The following OR9Q1 variants were observed in gnomAD, a reference collection of about 807,000 sequenced individuals.
OR9Q1 encodes olfactory receptor family 9 subfamily Q member 1, also known as olfactory receptor 9Q1.
For missense variants in OR9Q1, 374 were observed against 378.8 expected, an observed-to-expected ratio of 0.99 and a Z score of 0.11; for synonymous variants, 153 against 148.6, an observed-to-expected ratio of 1.03 and a Z score of -0.22.
chr11:58,053,643 T>TATATATAA (rs1853296458), intron 1 of OR9Q1, among the ~76,000 whole-genome samples: 2 of 83,910 alleles, frequency 2.4e-5, no homozygotes, highest in Admixed American at 2.4e-4. Flanking sequence ...TATATATATA[T>TATATATAA]AAATTATATA....
At chr11:58,090,219 T>C (rs998074098) in intron 2 of OR9Q1, among the ~76,000 whole-genome samples, 2 of 152,230 alleles carry the variant, frequency 1.3e-5, no homozygotes, top group African/African-American at 2.4e-5. Flanking sequence ...ATCCTTGTCT[T>C]GTGCCGGTTT....
intron 1 of OR9Q1, among the ~76,000 whole-genome samples, chr11:58,046,841 CA>C (rs1853221672): frequency 6.6e-6 from 1 of 151,088 alleles, no homozygotes; most frequent in South Asian, 2.1e-4. Context: ...CCAGCCTGGG[CA>C]ACAAGAGGGA....
chr11:58,112,527 T>A (rs1853912683), intron 2 of OR9Q1, among the ~76,000 whole-genome samples: 1 of 152,160 alleles, frequency 6.6e-6, no homozygotes, highest in South Asian at 2.1e-4. Context: ...CCTGGACATG[T>A]CCCGTTGGAC....
chr11:58,024,867 G>A (rs932163326), intron 1 of OR9Q1, among the ~76,000 whole-genome samples: 5 of 152,178 alleles, frequency 3.3e-5, no homozygotes, highest in African/African-American at 1.2e-4. Context: ...CAGAGTCAGG[G>A]CAGGGAGCCA....
At chr11:58,118,003 T>G (rs1286251890) in intron 2 of OR9Q1, 1 of 152,244 alleles carries the variant, frequency 6.6e-6, no homozygotes, top group Non-Finnish European at 1.5e-5. Context: ...GGAGACTGAG[T>G]TTTTCCTTAT....
chr11:58,076,347 C>T (rs117091508), intron 2 of OR9Q1, among the ~76,000 whole-genome samples: 143 of 152,272 alleles, frequency 9.4e-4, no homozygotes, highest in Non-Finnish European at 1.9e-3. Context: ...GCTCAAGGTC[C>T]TCCTCCAAAC....
At chr11:58,138,441 G>C (rs1854209746) in intron 2 of OR9Q1, among the ~76,000 whole-genome samples, 1 of 152,134 alleles carries the variant, frequency 6.6e-6, no homozygotes, top group South Asian at 2.1e-4. Flanking sequence ...TTAAATTTAG[G>C]AGCAACTTAA....
At chr11:58,159,119 C>T (rs185423085) in intron 2 of OR9Q1, among the ~76,000 whole-genome samples, 241 of 152,108 alleles carry the variant, frequency 1.6e-3, no homozygotes, top group African/African-American at 5.3e-3. Context: ...TCAGGACTAA[C>T]GTGTAAAATA....
intron 2 of OR9Q1, among the ~76,000 whole-genome samples, chr11:58,082,989 T>G (rs1256264073): frequency 6.6e-6 from 1 of 150,656 alleles, no homozygotes; most frequent in Non-Finnish European, 1.5e-5. Context: ...TGATAGTTTC[T>G]TTTGCTATGC....
chr11:58,058,578 T>G (rs546536720), intron 2 of OR9Q1, among the ~76,000 whole-genome samples: 1 of 152,086 alleles, frequency 6.6e-6, no homozygotes, highest in African/African-American at 2.4e-5. Flanking sequence ...AAGATCCACA[T>G]CCTCCCATTC....
intron 2 of OR9Q1, among the ~76,000 whole-genome samples, chr11:58,170,386 T>C (rs567229811): frequency 6.6e-6 from 1 of 152,212 alleles, no homozygotes; most frequent in East Asian, 1.9e-4. Context: ...TGCCCAATGG[T>C]ATAAACTCTC....
chr11:58,128,288 C>T (rs1854108600), intron 2 of OR9Q1, among the ~76,000 whole-genome samples: 1 of 146,810 alleles, frequency 6.8e-6, no homozygotes, highest in South Asian at 2.1e-4. Flanking sequence ...AGGAAGAGAG[C>T]AATTAACCTG....
rs1380114121 is a variant in OR9Q1, at chr11:58,176,854, A to G, written c.-14-2577A>G. On this transcript the variant is annotated intron_variant, in intron 2 of 2. Coordinates refer to ENST00000335397, the MANE Select transcript of OR9Q1 (RefSeq NM_001005212.4). The stretch of plus-strand genomic sequence containing the variant: ...CCACCCAGACTTCCTGATGCTCAGC[A>G]GAATACTTTTGCCCCTACACCCTTA... Among the ~76,000 whole-genome samples the G allele has an allele frequency of 2.0e-5, 3 of 152,164 alleles. No homozygotes were observed. In the East Asian group the frequency reaches 5.8e-4, roughly 29 times the overall value.
At chr11:58,118,600 A>G in intron 2 of OR9Q1, 1 of 1,613,956 alleles carries the variant, frequency 6.2e-7, no homozygotes, top group East Asian at 2.2e-5. Context: ...CAGCATGGGG[A>G]TGACCACTGT....
rs199901491 is a variant in OR9Q1 at position 58,179,970 on chromosome 11, T to G, written c.526T>G (p.Phe176Val). 54 of 1,614,180 alleles carry G rather than the reference T, an allele frequency of 3.3e-5. No homozygotes were observed. In the East Asian group the frequency reaches 1.1e-3, roughly 33 times the overall value. ...CTTCTGTGGAACCAGTGAGATTGAC[T>G]TTATTTTCTGTGACCTCCCTCCTCT... ...LSFCGTSEID[F>V]IFCDLPPLLK... The change falls in exon 3 of 3, where the codon TTT becomes GTT. Residue 176 changes from phenylalanine to valine, a missense_variant. Physicochemically the swap from Phe to Val is conservative, Grantham distance 50 (BLOSUM62 -1). Transcript: ENST00000335397.
At chr11:58,027,562 T>C (rs578019406) in intron 1 of OR9Q1, among the ~76,000 whole-genome samples, 2 of 152,198 alleles carry the variant, frequency 1.3e-5, no homozygotes, top group African/African-American at 4.8e-5. Flanking sequence ...ATCTGATCCT[T>C]TACAGAAAAT....
chr11:58,059,557 G>A (rs1270477208), intron 2 of OR9Q1, among the ~76,000 whole-genome samples: 2 of 151,690 alleles, frequency 1.3e-5, no homozygotes, highest in African/African-American at 4.8e-5. Flanking sequence ...TTAGCCGGGT[G>A]TGGTGGCGCA....
intron 2 of OR9Q1, among the ~76,000 whole-genome samples, chr11:58,123,487 T>C (rs930442826): frequency 1.3e-5 from 2 of 152,198 alleles, no homozygotes; most frequent in African/African-American, 2.4e-5. Context: ...GGGGTGCAGA[T>C]GCAATCACAC....
At chr11:58,064,820 C>T (rs932720225) in intron 2 of OR9Q1, among the ~76,000 whole-genome samples, 2 of 152,004 alleles carry the variant, frequency 1.3e-5, no homozygotes, top group Non-Finnish European at 2.9e-5. Flanking sequence ...GGAGTCCCTC[C>T]TTGGGAGGAG....
Sources: gnomAD v4.1 joint callset for allele counts (sites outside exome capture counted in the v4.1 genomes callset) on GRCh38, gnomAD v4.1.1 for gene constraint, MANE v1.5 for transcripts, NCBI Gene and HGNC (gene_info 2026-07-23, HGNC 2026-07-21) for gene names.